AFG3L2: variants seen among roughly 807,000 people sequenced by gnomAD.
The protein encoded by AFG3L2 is AFG3 like matrix AAA peptidase subunit 2.
In AFG3L2, 54 loss-of-function variants were observed where a neutral mutation model predicts 94.5. The observed-to-expected ratio is 0.57, with a 90% CI of 0.46 to 0.72. AFG3L2 has a LOEUF of 0.72. Among genes scored for constraint, AFG3L2 ranks in the 30% least tolerant of loss-of-function variants. The pLI, the probability that AFG3L2 is intolerant of heterozygous loss-of-function variation, is 0.00. For synonymous variants in AFG3L2, 377 were observed against 365.5 expected (o/e 1.03, Z -0.36); for missense variants, 754 against 994.9 (o/e 0.76, Z 3.26).
At chr18:12,353,531 A>C (rs1908390776) in intron 9 of AFG3L2, among the ~76,000 whole-genome samples, 1 of 151,784 alleles carries the variant, frequency 6.6e-6, no homozygotes, top group Non-Finnish European at 1.5e-5. Context: ...AAAAAAAAAA[A>C]AAAAAAATGA....
chr18:12,364,335 C>T (rs947479809), intron 5 of AFG3L2, among the ~76,000 whole-genome samples: 1 of 152,212 alleles, frequency 6.6e-6, no homozygotes, highest in Admixed American at 6.5e-5. Flanking sequence ...TTACACATTT[C>T]TCACAAGCAA....
At chr18:12,341,345 T>C (rs1907947192) in intron 14 of AFG3L2, 1 of 152,220 alleles carries the variant, frequency 6.6e-6, no homozygotes, top group African/African-American at 2.4e-5. Context: ...CAATGAGTTT[T>C]GACAAACATA....
chr18:12,333,282 TATATA>T (rs1907637217), intron 16 of AFG3L2, among the ~76,000 whole-genome samples: 1 of 130,578 alleles, frequency 7.7e-6, no homozygotes, highest in Non-Finnish European at 1.6e-5. Flanking sequence ...ATATAGATTA[TATATA>T]ATATATAAAT....
chr18:12,337,642 G>A, intron 15 of AFG3L2, 107 bp from the exon 16 acceptor site: 2 of 979,228 alleles, frequency 2.0e-6, no homozygotes, highest in Non-Finnish European at 3.2e-6. Flanking sequence ...GCTCTGTGTA[G>A]CCAGCAGCAG....
At chr18:12,350,995 A>G in intron 12 of AFG3L2, 90 bp downstream of exon 12, 1 of 1,540,442 alleles carries the variant, frequency 6.5e-7, no homozygotes, top group East Asian at 2.3e-5. Flanking sequence ...ACAGTAAAGA[A>G]GTGAAAAGGT....
At chr18:12,360,257 A>G (rs545635689) in intron 6 of AFG3L2, 1 of 562,950 alleles carries the variant, frequency 1.8e-6, no homozygotes, top group African/African-American at 1.9e-5. Flanking sequence ...GCAAATAAGC[A>G]TTTCTTTAGC....
intron 10 of AFG3L2, among the ~76,000 whole-genome samples, chr18:12,352,722 A>AAAAGGCTTTT (rs1908356397): frequency 6.6e-6 from 1 of 152,212 alleles, no homozygotes; most frequent in African/African-American, 2.4e-5. Context: ...TTGTATTAGT[A>AAAAGGCTTTT]TAAAAGGGCC....
chr18:12,359,296 A>G (rs371767515), intron 7 of AFG3L2, among the ~76,000 whole-genome samples: 2 of 152,322 alleles, frequency 1.3e-5, no homozygotes, highest in African/African-American at 4.8e-5. Flanking sequence ...AAAGATGGGA[A>G]TGGCACTCTT....
At chr18:12,331,308 G>A (rs1447524981) in intron 16 of AFG3L2, among the ~76,000 whole-genome samples, 2 of 152,066 alleles carry the variant, frequency 1.3e-5, no homozygotes, top group Non-Finnish European at 2.9e-5. Flanking sequence ...TCCTCAGACC[G>A]TATCCCCATC....
intron 5 of AFG3L2, among the ~76,000 whole-genome samples, 175 bp downstream of exon 5, chr18:12,366,790 G>A (rs988017218): frequency 6.6e-6 from 1 of 152,176 alleles, no homozygotes; most frequent in Non-Finnish European, 1.5e-5. Flanking sequence ...GAGGACACCA[G>A]GTCAAAACAC....
rs1157844986 is a variant in AFG3L2 at position 12,377,172 on chromosome 18, G to A, written c.-90C>T. On this transcript the variant is annotated 5_prime_UTR_variant, in exon 1 of 17. Coordinates refer to ENST00000269143, the MANE Select transcript of AFG3L2 (RefSeq NM_006796.3). The stretch of plus-strand genomic sequence containing the variant: ...CCTCGGGAAGCGGGCTCGGCTCGGG[G>A]AAAGGCCGCCAGGCAGCGAAGCGCG... 8 of 1,043,694 alleles carry A rather than the reference G, an allele frequency of 7.7e-6. No homozygotes were observed. The highest frequency in any genetic ancestry group is 6.0e-5 in the South Asian group (4 of 66,198). 64.7% of individuals were successfully genotyped at this position (1,043,694 alleles called of 1,614,324 possible). A position where few individuals can be genotyped will look rare whatever the true frequency, so the allele number is the denominator to read the frequency against.
At chr18:12,343,941 A>C in intron 14 of AFG3L2, 191 bp downstream of exon 14, 1 of 622,284 alleles carries the variant, frequency 1.6e-6, no homozygotes, top group Non-Finnish European at 2.8e-6. Flanking sequence ...CCCTTTAAAT[A>C]ATTTTCTGTC....
chr18:12,359,832 G>C, intron 7 of AFG3L2, 95 bp downstream of exon 7: 1 of 1,516,822 alleles, frequency 6.6e-7, no homozygotes, highest in Non-Finnish European at 9.1e-7. Flanking sequence ...AGGCCTGTTT[G>C]AGAATATAAT....
chr18:12,329,814 G>T, intron 16 of AFG3L2, 31 bp from the exon 17 acceptor site: 1 of 1,562,082 alleles, frequency 6.4e-7, no homozygotes, highest in South Asian at 1.1e-5. Context: ...ATTAAATACA[G>T]TTACTCAGCA....
At chr18:12,347,236 C>G (rs768964958) in intron 13 of AFG3L2, among the ~76,000 whole-genome samples, 11 of 152,236 alleles carry the variant, frequency 7.2e-5, no homozygotes, top group Admixed American at 1.3e-4. Context: ...TCAAGACTTT[C>G]CAAAACTGAC....
chr18:12,344,338 T>A, intron 13 of AFG3L2, 91 bp from the exon 14 acceptor site: 1 of 1,088,930 alleles, frequency 9.2e-7, no homozygotes, highest in Non-Finnish European at 1.4e-6. Flanking sequence ...TTGCCTTACC[T>A]AAAATGGGGT....
intron 6 of AFG3L2, among the ~76,000 whole-genome samples, chr18:12,361,921 T>C (rs1908673789): frequency 6.6e-6 from 1 of 152,216 alleles, no homozygotes; most frequent in Non-Finnish European, 1.5e-5. Context: ...ACTCAGCCCC[T>C]GCTATCAACT....
chr18:12,364,768 G>C (rs572569241), intron 5 of AFG3L2, among the ~76,000 whole-genome samples: 11 of 152,210 alleles, frequency 7.2e-5, no homozygotes, highest in African/African-American at 2.6e-4. Flanking sequence ...CTGGGCACAA[G>C]AGATCCTCCC....
At chr18:12,332,466 T>C (rs1384790600) in intron 16 of AFG3L2, among the ~76,000 whole-genome samples, 1 of 152,166 alleles carries the variant, frequency 6.6e-6, no homozygotes, top group Admixed American at 6.5e-5. Context: ...ATAAATGTTA[T>C]GTTTTTAAAG....
Sources: allele counts gnomAD v4.1 joint callset (sites outside exome capture counted in the v4.1 genomes callset), GRCh38; gene constraint gnomAD v4.1.1; transcripts MANE v1.5; gene names NCBI Gene and HGNC (gene_info 2026-07-23, HGNC 2026-07-21).